Variants in ERMP1 observed in about 807,000 individuals in gnomAD.
ERMP1 encodes Felix-ina.
In ERMP1, 86 loss-of-function variants were observed where a neutral mutation model predicts 92.0. That is an observed-to-expected ratio of 0.93 (90% CI 0.79 to 1.12). The LOEUF (loss-of-function observed/expected upper bound fraction) is 1.12. Among genes scored for constraint, ERMP1 ranks in the 50% most tolerant of loss-of-function variants. ERMP1 has a pLI of 0.00. For synonymous variants in ERMP1, 530 were observed against 412.8 expected (o/e 1.28, Z -3.44); for missense variants, 1,342 against 1,116.3 (o/e 1.20, Z -2.88).
chr9:5,810,421 G>A (rs553043796), intron 7 of ERMP1, among the ~76,000 whole-genome samples, 190 bp from the exon 8 acceptor site: 1 of 152,190 alleles, frequency 6.6e-6, no homozygotes, highest in African/African-American at 2.4e-5. Context: ...TAATATTCAG[G>A]TAACATTTAT....
rs1288816769 is a variant in ERMP1 at position 5,786,775 on chromosome 9, A to C, written c.*369T>G. 2 of 168,028 alleles carry C rather than the reference A, an allele frequency of 1.2e-5. No individual in the cohort carries two copies. The highest frequency in any genetic ancestry group is 4.8e-5 in the African/African-American group (2 of 41,720). 10.4% of individuals were successfully genotyped at this position (168,028 alleles called of 1,614,324 possible). ...CAAATGGTTTTGGGGCTTAAATTGGAAACAACTTTTGTCTCATTAACAATG... is the reference window on the plus strand; with the variant it reads ...CAAATGGTTTTGGGGCTTAAATTGGCAACAACTTTTGTCTCATTAACAATG... On this transcript the variant is annotated 3_prime_UTR_variant, in exon 15 of 15. Transcript: ENST00000339450.
rs1453233209 is a variant in ERMP1 at position 5,786,918 on chromosome 9, G to C, written c.*226C>G. ...TGTAGTGGCAGTACCCACATGTGCT[G>C]AAGTGCCAAAAGACTGGCATTTTCA... On this transcript the variant is annotated 3_prime_UTR_variant, in exon 15 of 15. Coordinates refer to ENST00000339450, the MANE Select transcript of ERMP1 (RefSeq NM_024896.3). 6 of 412,126 alleles carry C rather than the reference G, an allele frequency of 1.5e-5. No individual in the cohort carries two copies. The highest frequency in any genetic ancestry group is 8.7e-6 in the Non-Finnish European group (2 of 229,148). The allele number at this position is 412,126 out of a possible 1,614,324, so 25.5% of individuals were successfully genotyped here.
At chr9:5,847,597 C>T (rs1256763434) in intron 6 of ERMP1, among the ~76,000 whole-genome samples, 1 of 148,946 alleles carries the variant, frequency 6.7e-6, no homozygotes, top group Admixed American at 6.7e-5. Context: ...ATAACATGTA[C>T]AAAACAAAAC....
At chr9:5,808,469 G>C (rs1828953018) in intron 8 of ERMP1, among the ~76,000 whole-genome samples, 1 of 152,192 alleles carries the variant, frequency 6.6e-6, no homozygotes, top group Non-Finnish European at 1.5e-5. Context: ...CCTTCAGCAG[G>C]AGCTGCTAAC....
At chr9:5,865,086 T>C (rs982648642) in intron 5 of ERMP1, among the ~76,000 whole-genome samples, 36 of 152,196 alleles carry the variant, frequency 2.4e-4, no homozygotes, top group Non-Finnish European at 4.3e-4. Flanking sequence ...AATTGCTAGA[T>C]TAAAAATTAC....
At chr9:5,840,250 GAA>G (rs905074690) in intron 6 of ERMP1, among the ~76,000 whole-genome samples, 11 of 152,046 alleles carry the variant, frequency 7.2e-5, no homozygotes, top group Non-Finnish European at 1.3e-4. Flanking sequence ...AAAAAAGAAA[GAA>G]AGAGAGAGAG....
At chr9:5,840,564 C>A (rs1433820942) in intron 6 of ERMP1, among the ~76,000 whole-genome samples, 1 of 152,238 alleles carries the variant, frequency 6.6e-6, no homozygotes, top group Non-Finnish European at 1.5e-5. Flanking sequence ...CTGCATAGCA[C>A]CTTGCCACAC....
At chr9:5,865,199 C>T (rs917150533) in intron 5 of ERMP1, among the ~76,000 whole-genome samples, 5 of 151,978 alleles carry the variant, frequency 3.3e-5, no homozygotes, top group African/African-American at 4.8e-5. Flanking sequence ...AAATTATGCC[C>T]AATCATACTT....
At chr9:5,817,293 G>A (rs879748549) in intron 4 of ERMP1, among the ~76,000 whole-genome samples, 4 of 148,166 alleles carry the variant, frequency 2.7e-5, no homozygotes, top group Non-Finnish European at 4.5e-5. Flanking sequence ...GGGTTCAAGC[G>A]ATTCTCCTGC....
Position 5,810,072 on chromosome 9 carries a change from C to G in ERMP1, c.1487G>C (p.Gly496Ala). The change falls in exon 8 of 15, where the codon GGA becomes GCA. Residue 496 changes from glycine to alanine, a missense_variant. Gly to Ala is a moderately conservative substitution (Grantham distance 60). Transcript: ENST00000339450. The part of the protein sequence containing the change: ...NHFYVSVCLY[G>A]TATVAKIILI... ...TATTATTTTGGCTACAGTTGCAGTT[C>G]CATACAGACAAACGGAGACATAGAA... 6.2e-7 allele frequency: 1 copy of G among 1,613,916 alleles called. No individual in the cohort carries two copies. The highest frequency in any genetic ancestry group is 8.5e-7 in the Non-Finnish European group (1 of 1,179,898).
intron 12 of ERMP1, 131 bp from the exon 13 acceptor site, chr9:5,798,063 G>A: frequency 1.5e-6 from 1 of 671,614 alleles, no homozygotes. Flanking sequence ...GATAAGCAAT[G>A]CCAACTCCAA....
At chr9:5,823,859 A>G (rs1829634753) in intron 4 of ERMP1, 37 bp downstream of exon 4, 1 of 1,376,890 alleles carries the variant, frequency 7.3e-7, no homozygotes, top group South Asian at 1.2e-5. Flanking sequence ...CAAAAACTAG[A>G]ATTGCATTAA....
chr9:5,864,038 C>T (rs1297980748), intron 5 of ERMP1, among the ~76,000 whole-genome samples: 1 of 152,180 alleles, frequency 6.6e-6, no homozygotes, highest in African/African-American at 2.4e-5. Context: ...TTTCTGTTGT[C>T]TATGCCCATT....
intron 2 of ERMP1, among the ~76,000 whole-genome samples, chr9:5,825,524 T>C (rs757539064): frequency 7.9e-5 from 12 of 152,248 alleles, no homozygotes; most frequent in Admixed American, 7.2e-4. Flanking sequence ...TACTGGAAAC[T>C]GGTATTCTCA....
chr9:5,815,396 G>C (rs937906582), intron 4 of ERMP1, among the ~76,000 whole-genome samples: 1 of 149,366 alleles, frequency 6.7e-6, no homozygotes, highest in Non-Finnish European at 1.5e-5. Flanking sequence ...ATTTGAAATA[G>C]ACACCACTGG....
At chr9:5,809,213 G>A (rs988684315) in intron 8 of ERMP1, among the ~76,000 whole-genome samples, 1 of 151,138 alleles carries the variant, frequency 6.6e-6, no homozygotes, top group Non-Finnish European at 1.5e-5. Flanking sequence ...GTAGAGACGG[G>A]GTTTCACCGT....
At position 5,829,018 on chromosome 9, in the gene ERMP1, C is replaced by T. The variant is rs193178510; in HGVS notation, c.640+1709G>A. Reference sequence around the variant, plus strand: ...CAGAAATTTGGGAGACTGAGGTAGGCGGATCACTTGAGGTCAGGAGTTCAA... The same window carrying T: ...CAGAAATTTGGGAGACTGAGGTAGGTGGATCACTTGAGGTCAGGAGTTCAA... On this transcript the variant is annotated intron_variant, in intron 2 of 14. Coordinates refer to ENST00000339450, the MANE Select transcript of ERMP1 (RefSeq NM_024896.3). Among the ~76,000 whole-genome samples, 381 of 151,940 alleles carry T rather than the reference C, an allele frequency of 2.5e-3. 1 individual carries two copies. Among genetic ancestry groups the T allele is most frequent in the Middle Eastern group, 6.8e-3 (2 of 294 alleles).
Position 5,787,086 on chromosome 9 carries a change from G to T in ERMP1, c.*58C>A, listed in dbSNP as rs989495934. On this transcript the variant is annotated 3_prime_UTR_variant, in exon 15 of 15. Coordinates refer to ENST00000339450, the MANE Select transcript of ERMP1 (RefSeq NM_024896.3). ...GTTACAAACATCCACGTAACATAGGGAGAAACCATGTCACATGGAGTATCC... is the reference window on the plus strand; with the variant it reads ...GTTACAAACATCCACGTAACATAGGTAGAAACCATGTCACATGGAGTATCC... 3 of 1,470,286 alleles carry T rather than the reference G, an allele frequency of 2.0e-6. No individual in the cohort carries two copies. Among genetic ancestry groups the T allele is most frequent in the African/African-American group, 2.8e-5 (2 of 71,078 alleles). The allele number at this position is 1,470,286 out of a possible 1,614,324, so 91.1% of individuals were successfully genotyped here.
At chr9:5,801,384 G>A in intron 10 of ERMP1, 56 bp from the exon 11 acceptor site, 5 of 1,548,644 alleles carry the variant, frequency 3.2e-6, no homozygotes, top group South Asian at 1.2e-5. Context: ...GTGGTGGAAA[G>A]GTGTTTTTAA....
Sources: gnomAD v4.1 joint callset for allele counts (sites outside exome capture counted in the v4.1 genomes callset) on GRCh38, gnomAD v4.1.1 for gene constraint, MANE v1.5 for transcripts, NCBI Gene and HGNC (gene_info 2026-07-23, HGNC 2026-07-21) for gene names.